The following ABI3BP variants were observed in gnomAD, a reference collection of about 807,000 sequenced individuals.
ABI3BP encodes the protein ABI family member 3 binding protein, also known as target of Nesh-SH3.
A neutral mutation model predicts 268.6 loss-of-function variants in ABI3BP; 216 were observed. That is an observed-to-expected ratio of 0.80 (90% CI 0.72 to 0.90). The LOEUF (loss-of-function observed/expected upper bound fraction) is 0.90. ABI3BP is among the 40% of genes least tolerant of loss of function. The pLI, the probability that ABI3BP is intolerant of heterozygous loss-of-function variation, is 0.00. For missense variants in ABI3BP, 2,090 were observed against 2,182.4 expected (o/e 0.96, Z 0.84); for synonymous variants, 730 against 730.0 (o/e 1.00, Z 0.00).
At chr3:100,826,385 A>ACAC (rs2098385648) in intron 34 of ABI3BP, among the ~76,000 whole-genome samples, 1 of 152,184 alleles carries the variant, frequency 6.6e-6, no homozygotes. Context: ...TATATCAAGT[A>ACAC]CACCATCTCA....
At chr3:100,873,930 T>C (rs1356637416) in intron 9 of ABI3BP, among the ~76,000 whole-genome samples, 4 of 152,232 alleles carry the variant, frequency 2.6e-5, no homozygotes, top group Non-Finnish European at 5.9e-5. Context: ...GATTCAATCA[T>C]ATATTAAACA....
Position 100,820,252 on chromosome 3 carries a change from G to C in ABI3BP, c.2999C>G (p.Thr1000Arg). Reference sequence around the variant, plus strand: ...GGTTTGAGGAACCTCAGGACTTGGTGTGGTTTTAGTTTTGGGACGTGGACG... The same window carrying C: ...GGTTTGAGGAACCTCAGGACTTGGTCTGGTTTTAGTTTTGGGACGTGGACG... ...TRRPRPKTKT[T>R]PSPEVPQTKL... The change falls in exon 40 of 68, where the codon ACA (threonine) becomes AGA (arginine). Residue 1000 changes from threonine (T) to arginine (R), a missense_variant. By Grantham distance (71) the Thr-to-Arg change is moderately conservative. Coordinates refer to ENST00000471714, the MANE Select transcript of ABI3BP (RefSeq NM_001375547.2). The C allele has an allele frequency of 6.5e-7, 1 of 1,536,270 alleles. No individual in the cohort carries two copies. Among genetic ancestry groups the C allele is most frequent in the Non-Finnish European group, 8.7e-7 (1 of 1,146,878 alleles).
chr3:100,866,934 T>G lies in ABI3BP; in HGVS notation c.933A>C (p.Leu311Phe), dbSNP rs1581144083. 1 of 1,613,886 alleles carries G rather than the reference T, an allele frequency of 6.2e-7. No individual in the cohort carries two copies. Among genetic ancestry groups the G allele is most frequent in the Non-Finnish European group, 8.5e-7 (1 of 1,179,816 alleles). The change falls in exon 10 of 68, where the codon TTA (leucine) becomes TTC (phenylalanine). Residue 311 changes from leucine to phenylalanine, a missense_variant. By Grantham distance (22) the Leu-to-Phe change is conservative. Transcript: ENST00000471714. ...CCTCTGGTGTTTTAGATTCGGCAGG[T>G]AATGCCAAGGTTTCATTCTTAGCTA... ...TQLAKNETLALPAESKTPEVE... is the reference protein window; with the variant it reads ...TQLAKNETLAFPAESKTPEVE...
At chr3:100,794,028 G>A (rs2097269178) in intron 54 of ABI3BP, among the ~76,000 whole-genome samples, 1 of 151,916 alleles carries the variant, frequency 6.6e-6, no homozygotes, top group Admixed American at 6.6e-5. Flanking sequence ...GTCATTCCTT[G>A]CCCTGTGCCT....
intron 1 of ABI3BP, among the ~76,000 whole-genome samples, chr3:100,989,891 T>G (rs1272754922): frequency 6.6e-6 from 1 of 152,192 alleles, no homozygotes; most frequent in East Asian, 1.9e-4. Context: ...TAAAACAATG[T>G]GAAAATTCTT....
chr3:100,966,840 A>C (rs1158037287), intron 1 of ABI3BP, among the ~76,000 whole-genome samples: 2 of 152,084 alleles, frequency 1.3e-5, no homozygotes, highest in Non-Finnish European at 2.9e-5. Flanking sequence ...TACATGCTAC[A>C]TCTCTGTACC....
intron 63 of ABI3BP, among the ~76,000 whole-genome samples, chr3:100,757,926 G>A (rs1023272311): frequency 2.0e-5 from 3 of 152,136 alleles, no homozygotes; most frequent in African/African-American, 7.2e-5. Flanking sequence ...TATTTCTGAT[G>A]AAAATTAAAG....
chr3:100,907,252 G>C (rs2053840182), intron 2 of ABI3BP, among the ~76,000 whole-genome samples: 1 of 152,198 alleles, frequency 6.6e-6, no homozygotes, highest in South Asian at 2.1e-4. Flanking sequence ...CCAGCACTTT[G>C]GGAGGCCAAG....
At position 100,907,497 on chromosome 3, in the gene ABI3BP, G is replaced by C. The variant is rs145188223; in HGVS notation, c.260-4811C>G. Among the ~76,000 whole-genome samples, 19 of 151,836 alleles carry C rather than the reference G, an allele frequency of 1.3e-4. 1 individual carries two copies. Among genetic ancestry groups the C allele is most frequent in the Admixed American group, 1.2e-3 (19 of 15,254 alleles). Reference sequence around the variant, plus strand: ...TGACAGTGAGACCTTGTTTTGGGGGGGGAATAAAAGCTGTAACAATGTCAA... The same window carrying C: ...TGACAGTGAGACCTTGTTTTGGGGGCGGAATAAAAGCTGTAACAATGTCAA... On this transcript the variant is annotated intron_variant, in intron 2 of 67. Transcript: ENST00000471714.
intron 43 of ABI3BP, 66 bp from the exon 44 acceptor site, chr3:100,816,037 T>G: frequency 1.6e-6 from 2 of 1,216,336 alleles, no homozygotes; most frequent in African/African-American, 1.5e-5. Flanking sequence ...TCCTCAATTT[T>G]TATTTTAAAA....
intron 57 of ABI3BP, among the ~76,000 whole-genome samples, chr3:100,784,753 C>T (rs2096974140): frequency 6.6e-6 from 1 of 151,966 alleles, no homozygotes; most frequent in Non-Finnish European, 1.5e-5. Context: ...GATCTAGAGA[C>T]CATTATTCTA....
chr3:100,750,042 A>G lies in ABI3BP; in HGVS notation c.*453T>C, dbSNP rs1298421389. On this transcript the variant is annotated 3_prime_UTR_variant, in exon 68 of 68. Coordinates refer to ENST00000471714, the MANE Select transcript of ABI3BP (RefSeq NM_001375547.2). ...TCGGACCTTTTTTCCCCAGATATAC[A>G]TGCTGAAGATAATTTGATCCAATAA... 1.1e-5 allele frequency: 3 copies of G among 280,536 alleles called. No homozygotes were observed. The highest frequency in any genetic ancestry group is 6.1e-5 in the East Asian group (1 of 16,408). 17.4% of individuals were successfully genotyped at this position (280,536 alleles called of 1,614,324 possible). A position where few individuals can be genotyped will look rare whatever the true frequency, so the allele number is the denominator to read the frequency against.
chr3:100,795,032 A>C (rs750439426), intron 53 of ABI3BP, 29 bp from the exon 54 acceptor site: 2 of 1,374,494 alleles, frequency 1.5e-6, no homozygotes, highest in African/African-American at 1.5e-5. Context: ...CAAGGTTGTA[A>C]ATTTTTAGAT....
intron 50 of ABI3BP, among the ~76,000 whole-genome samples, chr3:100,807,691 T>C (rs2097752577): frequency 1.3e-5 from 2 of 151,960 alleles, no homozygotes; most frequent in South Asian, 4.1e-4. Context: ...GTGCTAAACA[T>C]TTTCCTTTCC....
chr3:100,835,515 GA>G (rs1375312968), intron 28 of ABI3BP, 85 bp downstream of exon 28: 3 of 1,031,004 alleles, frequency 2.9e-6, no homozygotes, highest in Non-Finnish European at 4.1e-6. Flanking sequence ...TCTTATGAAA[GA>G]AAAAACCCTT....
At chr3:100,862,696 TAA>T in intron 13 of ABI3BP, 140 bp downstream of exon 13, 4 of 634,138 alleles carry the variant, frequency 6.3e-6, no homozygotes, top group African/African-American at 1.9e-5. Context: ...ATAGATTTAT[TAA>T]AAAAAAATCA....
At chr3:100,830,438 T>C (rs751765034) in intron 32 of ABI3BP, 140 bp downstream of exon 32, 1 of 668,100 alleles carries the variant, frequency 1.5e-6, no homozygotes, top group Non-Finnish European at 2.3e-6. Context: ...TTTAATACTC[T>C]TATACATATT....
chr3:100,857,854 C>T (rs918526325), intron 14 of ABI3BP, among the ~76,000 whole-genome samples: 1 of 152,148 alleles, frequency 6.6e-6, no homozygotes, highest in Non-Finnish European at 1.5e-5. Flanking sequence ...TATAATAGCC[C>T]CTTGAATCTC....
rs146669295 is a variant in ABI3BP, at chr3:100,862,938, G to C, written c.1139-29C>G. ...TAATGAAACACATAAAGAAAGTTAC[G>C]ACCTGAGGTGAAAGTAACAGGAAAG... On this transcript the variant is annotated intron_variant, in intron 12 of 67. Transcript: ENST00000471714. 2.0e-5 allele frequency: 29 copies of C among 1,465,040 alleles called. No individual in the cohort carries two copies. The African/African-American group carries it at 3.9e-4, about 20-fold the overall frequency. 90.8% of individuals were successfully genotyped at this position (1,465,040 alleles called of 1,614,324 possible).
Sources: allele counts gnomAD v4.1 joint callset (sites outside exome capture counted in the v4.1 genomes callset), GRCh38; gene constraint gnomAD v4.1.1; transcripts MANE v1.5; gene names NCBI Gene and HGNC (gene_info 2026-07-23, HGNC 2026-07-21).